PINX1: variants seen among roughly 807,000 people sequenced by gnomAD.
PINX1 encodes the protein PIN2 (TERF1) interacting telomerase inhibitor 1.
Under a neutral mutation model 25.4 loss-of-function variants are expected in PINX1, and 34 were observed. The ratio of observed to expected loss-of-function variants is 1.34; its 90% CI spans 1.02 to 1.78. The LOEUF is 1.78. PINX1 is among the 40% of genes most tolerant of loss of function. PINX1 has a pLI of 0.00. For synonymous variants in PINX1, 197 were observed against 147.7 expected, an observed-to-expected ratio of 1.33 and a Z score of -2.42; for missense variants, 592 against 404.9, an observed-to-expected ratio of 1.46 and a Z score of -3.97.
At chr8:10,800,410 G>C (rs1802229510) in intron 6 of PINX1, among the ~76,000 whole-genome samples, 1 of 151,818 alleles carries the variant, frequency 6.6e-6, no homozygotes, top group East Asian at 1.9e-4. Flanking sequence ...GTTCTTCTTG[G>C]TCATGATCAT....
At chr8:10,773,527 A>G (rs1801295472) in intron 6 of PINX1, among the ~76,000 whole-genome samples, 1 of 152,254 alleles carries the variant, frequency 6.6e-6, no homozygotes, top group African/African-American at 2.4e-5. Flanking sequence ...CACACCGGAC[A>G]TTGGAGAAGA....
chr8:10,803,351 C>A (rs181460839), intron 6 of PINX1, among the ~76,000 whole-genome samples: 1 of 152,154 alleles, frequency 6.6e-6, no homozygotes, highest in African/African-American at 2.4e-5. Flanking sequence ...GCATCTAATG[C>A]GATCTATCAT....
At chr8:10,791,281 A>G (rs2129076590) in intron 6 of PINX1, among the ~76,000 whole-genome samples, 1 of 152,260 alleles carries the variant, frequency 6.6e-6, no homozygotes, top group East Asian at 1.9e-4. Context: ...TTAATTCATA[A>G]CAAGACTCTG....
At chr8:10,797,249 G>C (rs910244177) in intron 6 of PINX1, among the ~76,000 whole-genome samples, 1 of 152,138 alleles carries the variant, frequency 6.6e-6, no homozygotes, top group African/African-American at 2.4e-5. Flanking sequence ...CTCAGGGTTG[G>C]TGTTTCAGGG....
chr8:10,804,712 T>C (rs1802382585), intron 6 of PINX1, among the ~76,000 whole-genome samples: 2 of 150,832 alleles, frequency 1.3e-5, no homozygotes, highest in South Asian at 2.1e-4. Context: ...TGCTGGAGGA[T>C]TAAAAATACA....
intron 6 of PINX1, among the ~76,000 whole-genome samples, chr8:10,814,240 A>C (rs551336775): frequency 7.5e-4 from 115 of 152,330 alleles, no homozygotes; most frequent in African/African-American, 2.6e-3. Flanking sequence ...AGAAATGTGC[A>C]ACCAGCCGTC....
chr8:10,839,625 C>T, intron 1 of PINX1, 113 bp downstream of exon 1: 1 of 1,095,728 alleles, frequency 9.1e-7, no homozygotes, highest in Non-Finnish European at 1.4e-6. Context: ...TCCCCCGATC[C>T]CATGCGCCAG....
chr8:10,790,379 G>A (rs1801884715), intron 6 of PINX1, among the ~76,000 whole-genome samples: 1 of 152,180 alleles, frequency 6.6e-6, no homozygotes, highest in African/African-American at 2.4e-5. Context: ...GGTCAGATGT[G>A]GAGGAAAAGT....
At chr8:10,804,945 G>A (rs139236896) in intron 6 of PINX1, among the ~76,000 whole-genome samples, 22 of 152,012 alleles carry the variant, frequency 1.4e-4, no homozygotes, top group East Asian at 7.7e-4. Context: ...AAGGACCCCC[G>A]AGAAGACTTG....
chr8:10,798,310 G>C (rs1028780538), intron 6 of PINX1, among the ~76,000 whole-genome samples: 1 of 152,248 alleles, frequency 6.6e-6, no homozygotes, highest in African/African-American at 2.4e-5. Context: ...CTCCAGCCTT[G>C]AGAAATTATT....
intron 4 of PINX1, among the ~76,000 whole-genome samples, chr8:10,830,527 C>T (rs1401780786): frequency 2.0e-5 from 3 of 152,180 alleles, no homozygotes; most frequent in African/African-American, 7.2e-5. Flanking sequence ...TTATTTCACT[C>T]CACAAAATTC....
At chr8:10,798,607 C>A (rs776806789) in intron 6 of PINX1, among the ~76,000 whole-genome samples, 34 of 152,196 alleles carry the variant, frequency 2.2e-4, no homozygotes, top group Admixed American at 2.0e-4. Flanking sequence ...CACCGATGGC[C>A]GTTTAGGAAA....
chr8:10,824,662 C>T (rs1008671557), intron 5 of PINX1, among the ~76,000 whole-genome samples: 7 of 152,226 alleles, frequency 4.6e-5, no homozygotes, highest in African/African-American at 1.2e-4. Context: ...ATCCCAGCCT[C>T]AGCAAATGCT....
intron 6 of PINX1, among the ~76,000 whole-genome samples, chr8:10,776,425 A>G (rs1443746663): frequency 7.8e-6 from 1 of 127,874 alleles, no homozygotes; most frequent in Non-Finnish European, 1.7e-5. Flanking sequence ...ACTCCGCTCA[A>G]TAAATAAATA....
At chr8:10,784,073 G>C (rs1349899072) in intron 6 of PINX1, among the ~76,000 whole-genome samples, 1 of 152,156 alleles carries the variant, frequency 6.6e-6, no homozygotes, top group Admixed American at 6.5e-5. Context: ...TGATGATAAT[G>C]TGTCATGCAT....
At chr8:10,823,757 G>A (rs1797948645) in intron 5 of PINX1, among the ~76,000 whole-genome samples, 1 of 152,168 alleles carries the variant, frequency 6.6e-6, no homozygotes, top group Non-Finnish European at 1.5e-5. Flanking sequence ...GAGCCCAGAA[G>A]GTCAAGTCTG....
chr8:10,828,816 C>T (rs915552740), intron 4 of PINX1, among the ~76,000 whole-genome samples: 4 of 152,064 alleles, frequency 2.6e-5, no homozygotes, highest in South Asian at 2.1e-4. Flanking sequence ...TTCCTCTTAC[C>T]GGGATCAATG....
chr8:10,835,900 C>G (rs1291265286), intron 1 of PINX1, among the ~76,000 whole-genome samples: 2 of 152,054 alleles, frequency 1.3e-5, no homozygotes, highest in African/African-American at 4.8e-5. Context: ...TCATTATGAA[C>G]TCCAGTTTAT....
intron 6 of PINX1, among the ~76,000 whole-genome samples, chr8:10,795,916 T>C (rs1045294629): frequency 6.6e-6 from 1 of 152,118 alleles, no homozygotes; most frequent in African/African-American, 2.4e-5. Flanking sequence ...CCCATTCAAC[T>C]GAACAAAGCT....
Sources: gnomAD v4.1 joint callset for allele counts (sites outside exome capture counted in the v4.1 genomes callset) on GRCh38, gnomAD v4.1.1 for gene constraint, MANE v1.5 for transcripts, NCBI Gene and HGNC (gene_info 2026-07-23, HGNC 2026-07-21) for gene names.